VAT1L: variants seen among roughly 807,000 people sequenced by gnomAD.
VAT1L encodes the protein vesicle amine transport 1 like.
In VAT1L, 34 loss-of-function variants were observed where a neutral mutation model predicts 44.1. The ratio of observed to expected loss-of-function variants is 0.77; its 90% confidence interval spans 0.59 to 1.03. The LOEUF is 1.03. VAT1L is among the 50% of genes least tolerant of loss of function. VAT1L has a pLI of 0.00. For missense variants in VAT1L, 615 were observed against 538.8 expected (o/e 1.14, Z -1.40); for synonymous variants, 253 against 202.2 (o/e 1.25, Z -2.13).
chr16:77,960,351 G>C (rs972649455), intron 7 of VAT1L, among the ~76,000 whole-genome samples: 2 of 152,070 alleles, frequency 1.3e-5, no homozygotes, highest in African/African-American at 4.8e-5. Flanking sequence ...CACTTAGCTG[G>C]GGTTCTAAAG....
intron 7 of VAT1L, chr16:77,892,416 G>A (rs2017276891): frequency 2.2e-6 from 1 of 449,638 alleles, no homozygotes; most frequent in South Asian, 1.8e-5. Flanking sequence ...AGACACTGCT[G>A]CTGCACCATG....
chr16:77,844,387 T>C (rs547416269), intron 3 of VAT1L, among the ~76,000 whole-genome samples: 18 of 152,068 alleles, frequency 1.2e-4, no homozygotes, highest in African/African-American at 4.3e-4. Context: ...TATATGTAAT[T>C]ATTACACCAG....
chr16:77,878,702 A>G (rs1021399793), intron 5 of VAT1L, among the ~76,000 whole-genome samples: 1 of 151,672 alleles, frequency 6.6e-6, no homozygotes, highest in Non-Finnish European at 1.5e-5. Context: ...ATTTTTTCCA[A>G]TCCATCTATA....
intron 3 of VAT1L, among the ~76,000 whole-genome samples, chr16:77,858,658 T>C (rs2016885232): frequency 6.6e-6 from 1 of 152,048 alleles, no homozygotes; most frequent in African/African-American, 2.4e-5. Context: ...GTTACTCTAG[T>C]GGTGTTGGAG....
At chr16:77,914,787 A>G (rs890952151) in intron 7 of VAT1L, among the ~76,000 whole-genome samples, 4 of 152,208 alleles carry the variant, frequency 2.6e-5, no homozygotes, top group African/African-American at 4.8e-5. Context: ...TCATAGATCA[A>G]ATATCAGTCA....
At chr16:77,928,551 G>C (rs1443986038) in intron 7 of VAT1L, among the ~76,000 whole-genome samples, 1 of 152,140 alleles carries the variant, frequency 6.6e-6, no homozygotes, top group Non-Finnish European at 1.5e-5. Flanking sequence ...TGGATGTGAT[G>C]TGACAACCAA....
At chr16:77,969,622 C>A (rs1438643804) in intron 7 of VAT1L, among the ~76,000 whole-genome samples, 2 of 151,950 alleles carry the variant, frequency 1.3e-5, no homozygotes, top group African/African-American at 4.8e-5. Context: ...AGTCACGGTC[C>A]TTTATTACCT....
chr16:77,828,128 T>C (rs75377456), intron 3 of VAT1L, among the ~76,000 whole-genome samples: 2,298 of 152,236 alleles, frequency 0.015, 66 homozygotes, highest in African/African-American at 0.053. Context: ...CAGATCCACA[T>C]ATGTGAACAC....
At chr16:77,918,678 C>T (rs373200089) in intron 7 of VAT1L, among the ~76,000 whole-genome samples, 1 of 152,120 alleles carries the variant, frequency 6.6e-6, no homozygotes, top group East Asian at 1.9e-4. Flanking sequence ...CAGCTTCATC[C>T]CGGAAACTGT....
intron 7 of VAT1L, among the ~76,000 whole-genome samples, chr16:77,948,357 G>T (rs1425188251): frequency 6.6e-6 from 1 of 152,068 alleles, no homozygotes; most frequent in Non-Finnish European, 1.5e-5. Context: ...ACAACACATT[G>T]AACTTCTCTA....
Position 77,977,873 on chromosome 16 carries a change from C to T in VAT1L, c.*178C>T. The T allele has an allele frequency of 1.6e-6, 1 of 614,894 alleles. No individual in the cohort carries two copies. The highest frequency in any genetic ancestry group is 2.9e-6 in the Non-Finnish European group (1 of 340,082). 38.1% of individuals were successfully genotyped at this position (614,894 alleles called of 1,614,324 possible). A position where few individuals can be genotyped will look rare whatever the true frequency, so the allele number is the denominator to read the frequency against. On this transcript the variant is annotated 3_prime_UTR_variant, in exon 9 of 9. Transcript: ENST00000302536. ...TGTTTTTTGAAGTGCCAATCCCATG[C>T]CATGCAGTATTATGTCCCTCTCCTA...
At position 77,899,690 on chromosome 16, in the gene VAT1L, A is replaced by C. The variant is rs1450303816; in HGVS notation, c.1077+14888A>C. On this transcript the variant is annotated intron_variant, in intron 7 of 8. Transcript: ENST00000302536. ...AGACACCAACTGAGTGAGGATGGGGATGTGGTGATTGAGCTCTGTTCCCAT... is the reference window on the plus strand; with the variant it reads ...AGACACCAACTGAGTGAGGATGGGGCTGTGGTGATTGAGCTCTGTTCCCAT... Among the ~76,000 whole-genome samples, 3 of 152,216 alleles carry C rather than the reference A, an allele frequency of 2.0e-5. No homozygotes were observed. In the East Asian group the frequency reaches 5.8e-4, roughly 29 times the overall value.
At chr16:77,873,107 C>G (rs1477398636) in intron 4 of VAT1L, among the ~76,000 whole-genome samples, 1 of 152,186 alleles carries the variant, frequency 6.6e-6, no homozygotes, top group African/African-American at 2.4e-5. Flanking sequence ...AAATTGGCTG[C>G]TTCTCAGAGC....
chr16:77,886,788 G>A (rs2017213781), intron 7 of VAT1L, among the ~76,000 whole-genome samples: 1 of 152,132 alleles, frequency 6.6e-6, no homozygotes, highest in Non-Finnish European at 1.5e-5. Flanking sequence ...GGAGGGGGGA[G>A]ACTTAGTTTC....
At chr16:77,889,923 C>T (rs529374665) in intron 7 of VAT1L, among the ~76,000 whole-genome samples, 1 of 152,064 alleles carries the variant, frequency 6.6e-6, no homozygotes, top group East Asian at 1.9e-4. Flanking sequence ...CCCATCTCTA[C>T]TAAAAATACA....
chr16:77,827,264 T>C (rs978550680), intron 3 of VAT1L, among the ~76,000 whole-genome samples: 1 of 152,214 alleles, frequency 6.6e-6, no homozygotes, highest in Non-Finnish European at 1.5e-5. Context: ...ATACAAAGTA[T>C]TAGAGACTTG....
At chr16:77,803,124 C>G (rs759003216) in intron 1 of VAT1L, among the ~76,000 whole-genome samples, 1 of 152,216 alleles carries the variant, frequency 6.6e-6, no homozygotes, top group Non-Finnish European at 1.5e-5. Context: ...AAGACAAGCC[C>G]TGTGCCCTAA....
chr16:77,838,444 T>C (rs952093405), intron 3 of VAT1L, among the ~76,000 whole-genome samples: 2 of 152,182 alleles, frequency 1.3e-5, no homozygotes, highest in Admixed American at 6.5e-5. Flanking sequence ...GTCACTCTGA[T>C]TGTGTTCATT....
chr16:77,807,774 G>A (rs2966062), intron 1 of VAT1L, among the ~76,000 whole-genome samples: 145,888 of 152,212 alleles, frequency 0.96, 69,943 homozygotes, highest in East Asian at 1. Flanking sequence ...ACAACACCCC[G>A]TAAGGTGGTT....
Sources: allele counts gnomAD v4.1 joint callset (sites outside exome capture counted in the v4.1 genomes callset), GRCh38; gene constraint gnomAD v4.1.1; transcripts MANE v1.5; gene names NCBI Gene and HGNC (gene_info 2026-07-23, HGNC 2026-07-21).